Variants in MAN1A2 observed in about 807,000 individuals in gnomAD.
MAN1A2 encodes the protein mannosyl-oligosaccharide 1,2-alpha-mannosidase IB.
A neutral mutation model predicts 75.7 loss-of-function variants in MAN1A2; 26 were observed. The observed-to-expected ratio is 0.34, with a 90% CI of 0.25 to 0.48. The LOEUF (loss-of-function observed/expected upper bound fraction) is 0.48, where lower values mean the gene tolerates loss of function less well. Among genes scored for constraint, MAN1A2 ranks in the 20% least tolerant of loss-of-function variants. MAN1A2 has a pLI of 0.99. For missense variants in MAN1A2, 562 were observed against 775.5 expected (o/e 0.72, Z 3.27); for synonymous variants, 247 against 264.6 (o/e 0.93, Z 0.65).
At chr1:117,434,171 A>G (rs889118051) in intron 5 of MAN1A2, among the ~76,000 whole-genome samples, 3 of 152,184 alleles carry the variant, frequency 2.0e-5, no homozygotes, top group African/African-American at 7.2e-5. Context: ...TTGTGAAACT[A>G]TTTATTTAGA....
intron 4 of MAN1A2, among the ~76,000 whole-genome samples, chr1:117,419,634 TGTTA>T (rs1401997226): frequency 1.5e-4 from 23 of 152,186 alleles, no homozygotes; most frequent in African/African-American, 5.3e-4. Context: ...AATGTTTTTA[TGTTA>T]GTTGTATATC....
intron 5 of MAN1A2, 37 bp from the exon 6 acceptor site, chr1:117,442,194 G>A: frequency 8.0e-7 from 1 of 1,254,654 alleles, no homozygotes; most frequent in Non-Finnish European, 1.2e-6. Flanking sequence ...GCTTACTAAT[G>A]GCTATAATTT....
intron 5 of MAN1A2, among the ~76,000 whole-genome samples, chr1:117,440,855 G>A (rs1253790431): frequency 9.2e-5 from 14 of 151,892 alleles, no homozygotes; most frequent in Admixed American, 9.2e-4. Context: ...TTGTCTTTAT[G>A]GTAAACAGAA....
chr1:117,440,463 G>A (rs1648993337), intron 5 of MAN1A2, among the ~76,000 whole-genome samples: 1 of 152,014 alleles, frequency 6.6e-6, no homozygotes, highest in Admixed American at 6.6e-5. Context: ...ATTTGCAGTT[G>A]CCTACCAAAA....
Position 117,496,989 on chromosome 1 carries a change from A to G in MAN1A2, c.1504+7A>G. 1.9e-6 allele frequency: 3 copies of G among 1,598,740 alleles called. No individual in the cohort carries two copies. The highest frequency in any genetic ancestry group is 2.6e-6 in the Non-Finnish European group (3 of 1,169,408). On this transcript the variant is annotated splice_region_variant and intron_variant, in intron 10 of 12. Coordinates refer to ENST00000356554, the MANE Select transcript of MAN1A2 (RefSeq NM_006699.5). Reference sequence around the variant, plus strand: ...GAGTCATATGACAGAACTGGTAAGAATATTAATAAGGCTAATTATATAGTC... The same window carrying G: ...GAGTCATATGACAGAACTGGTAAGAGTATTAATAAGGCTAATTATATAGTC...
intron 6 of MAN1A2, among the ~76,000 whole-genome samples, chr1:117,456,393 G>A (rs4659328): frequency 1.3e-5 from 2 of 151,900 alleles, no homozygotes; most frequent in Admixed American, 6.6e-5. Context: ...GAATGAATGG[G>A]GGAGCTGAAA....
chr1:117,402,923 T>A (rs1047126009), intron 2 of MAN1A2, among the ~76,000 whole-genome samples: 1 of 152,102 alleles, frequency 6.6e-6, no homozygotes, highest in Admixed American at 6.5e-5. Context: ...TTCCAAAAAG[T>A]CTCCATGGAT....
chr1:117,445,886 A>G (rs1451960770), intron 6 of MAN1A2, among the ~76,000 whole-genome samples: 5 of 142,936 alleles, frequency 3.5e-5, no homozygotes, highest in Admixed American at 1.4e-4. Context: ...GTGTGTGTGT[A>G]TATATATATA....
At chr1:117,424,067 C>A (rs931320411) in intron 5 of MAN1A2, among the ~76,000 whole-genome samples, 1 of 151,874 alleles carries the variant, frequency 6.6e-6, no homozygotes, top group Non-Finnish European at 1.5e-5. Context: ...TTAATTAATT[C>A]TAGTAGCTTT....
At chr1:117,443,390 C>T (rs1261505466) in intron 6 of MAN1A2, among the ~76,000 whole-genome samples, 1 of 152,134 alleles carries the variant, frequency 6.6e-6, no homozygotes, top group Non-Finnish European at 1.5e-5. Flanking sequence ...GAGCAAGCTC[C>T]ATGGAAGGAT....
chr1:117,418,698 T>C (rs1322861254), intron 4 of MAN1A2, among the ~76,000 whole-genome samples: 1 of 152,160 alleles, frequency 6.6e-6, no homozygotes, highest in Non-Finnish European at 1.5e-5. Flanking sequence ...TCATCAAGTT[T>C]AGTAGGTTCT....
At chr1:117,439,498 CT>C (rs552558755) in intron 5 of MAN1A2, among the ~76,000 whole-genome samples, 139 of 146,786 alleles carry the variant, frequency 9.5e-4, no homozygotes, top group Admixed American at 1.6e-3. Context: ...TGTTGTCTTA[CT>C]TTTTTTTTTT....
In MAN1A2 at chr1:117,367,944, A is replaced by G. The variant is rs995313765; in HGVS notation, c.-240A>G. 29 of 495,372 alleles carry G rather than the reference A, an allele frequency of 5.9e-5. No homozygotes were observed. The highest frequency in any genetic ancestry group is 5.5e-4 in the African/African-American group (28 of 51,368). The allele number at this position is 495,372 out of a possible 1,614,324, so 30.7% of individuals were successfully genotyped here. On this transcript the variant is annotated 5_prime_UTR_variant, in exon 1 of 13. Transcript: ENST00000356554. ...GGCTTGTAATAATCCGATGAAGTACAGATGTTGAAGAGGATATCGCAGGAC... is the reference window on the plus strand; with the variant it reads ...GGCTTGTAATAATCCGATGAAGTACGGATGTTGAAGAGGATATCGCAGGAC...
At chr1:117,514,787 G>A (rs757792419) in intron 12 of MAN1A2, 4 of 529,712 alleles carry the variant, frequency 7.6e-6, no homozygotes, top group Non-Finnish European at 1.5e-5. Context: ...AGAGAAGACT[G>A]AAAAACAAAG....
chr1:117,405,970 T>C (rs1215307698), intron 3 of MAN1A2, among the ~76,000 whole-genome samples: 1 of 152,168 alleles, frequency 6.6e-6, no homozygotes, highest in Non-Finnish European at 1.5e-5. Context: ...CAATACCTAT[T>C]CTGATATTCA....
At chr1:117,429,526 G>A (rs7530284) in intron 5 of MAN1A2, among the ~76,000 whole-genome samples, 35 of 28,280 alleles carry the variant, frequency 1.2e-3, no homozygotes, top group South Asian at 4.8e-3. Context: ...CTGGCCGGGC[G>A]GGGGGCCGAC....
chr1:117,519,788 C>T lies in MAN1A2; in HGVS notation c.1794-3037C>T, dbSNP rs10923332. ...GGTACCAATCCTTTTGACACTATTC[C>T]GCAAGACAGAGAAAGAAGTAACCCT... On this transcript the variant is annotated intron_variant, in intron 12 of 12. Coordinates refer to ENST00000356554, the MANE Select transcript of MAN1A2 (RefSeq NM_006699.5). Among the ~76,000 whole-genome samples, 590 of 152,018 alleles carry T rather than the reference C, an allele frequency of 3.9e-3. 7 individuals are homozygous for T. Among genetic ancestry groups the T allele is most frequent in the African/African-American group, 0.013 (556 of 41,448 alleles).
Position 117,527,765 on chromosome 1 carries a change from G to A in MAN1A2, c.*4808G>A, listed in dbSNP as rs1341869087. 6.6e-6 allele frequency: 1 copy of A among 152,016 alleles called. No homozygotes were observed. Among genetic ancestry groups the A allele is most frequent in the Admixed American group, 6.6e-5 (1 of 15,228 alleles). 9.4% of individuals were successfully genotyped at this position (152,016 alleles called of 1,614,324 possible). A position where few individuals can be genotyped will look rare whatever the true frequency, so the allele number is the denominator to read the frequency against. ...ACCAGGATTCTGGATTGCTAGAGCT[G>A]CAGAAATTCACCCACTTGGGTACTC... On this transcript the variant is annotated 3_prime_UTR_variant, in exon 13 of 13. Transcript: ENST00000356554.
intron 1 of MAN1A2, among the ~76,000 whole-genome samples, chr1:117,373,293 C>G (rs973476424): frequency 6.6e-6 from 1 of 151,812 alleles, no homozygotes; most frequent in East Asian, 1.9e-4. Flanking sequence ...TTGGGGCTTT[C>G]TGCTCCTGTT....
Sources: gnomAD v4.1 joint callset for allele counts (sites outside exome capture counted in the v4.1 genomes callset) on GRCh38, gnomAD v4.1.1 for gene constraint, MANE v1.5 for transcripts, NCBI Gene and HGNC (gene_info 2026-07-23, HGNC 2026-07-21) for gene names.